Variants in PLEKHG4B observed in about 807,000 individuals in gnomAD.
PLEKHG4B encodes the protein pleckstrin homology and RhoGEF domain containing G4B.
PLEKHG4B carries 111 observed loss-of-function variants against 121.3 expected under a neutral mutation model. The ratio of observed to expected loss-of-function variants is 0.92; its 90% CI spans 0.78 to 1.07. The LOEUF is 1.07. Among genes scored for constraint, PLEKHG4B ranks in the 50% least tolerant of loss-of-function variants. The pLI, the probability that PLEKHG4B is intolerant of heterozygous loss-of-function variation, is 0.00. For synonymous variants in PLEKHG4B, 738 were observed against 725.0 expected (o/e 1.02, Z -0.29); for missense variants, 1,831 against 1,757.8 (o/e 1.04, Z -0.74).
At chr5:103,598 T>A (rs1022520201) in intron 1 of PLEKHG4B, among the ~76,000 whole-genome samples, 1 of 152,228 alleles carries the variant, frequency 6.6e-6, no homozygotes, top group Non-Finnish European at 1.5e-5. Flanking sequence ...AAAATTGATG[T>A]GTGATAGTTG....
rs1733619711 is a variant in PLEKHG4B, at chr5:186,255, C to G, written c.*3932C>G. ...GCACCTCTCTCTCTGGCCTTCTGTC[C>G]ACACTGGGATTTGGCTCTGATTTCC... On this transcript the variant is annotated 3_prime_UTR_variant, in exon 20 of 20. Coordinates refer to ENST00000637938, the MANE Select transcript of PLEKHG4B (RefSeq NM_052909.5). 1 of 152,238 alleles carries G rather than the reference C, an allele frequency of 6.6e-6. No homozygotes were observed. The allele number at this position is 152,238 out of a possible 1,614,324, so 9.4% of individuals were successfully genotyped here. A position where few individuals can be genotyped will look rare whatever the true frequency, so the allele number is the denominator to read the frequency against.
intron 1 of PLEKHG4B, among the ~76,000 whole-genome samples, chr5:109,970 C>T (rs896570167): frequency 3.3e-5 from 5 of 151,804 alleles, no homozygotes; most frequent in Non-Finnish European, 7.4e-5. Context: ...CACGTGCACA[C>T]ACCGGTTGCT....
At position 184,977 on chromosome 5, in the gene PLEKHG4B, C is replaced by T. The variant is rs6554946; in HGVS notation, c.*2654C>T. On this transcript the variant is annotated 3_prime_UTR_variant, in exon 20 of 20. Coordinates refer to ENST00000637938, the MANE Select transcript of PLEKHG4B (RefSeq NM_052909.5). ...CCACAGCAGCGTGATGGCTGGGAGA[C>T]GCTGGATGTGATACGTGAAGTGAGG... 78,555 of 152,154 alleles carry T rather than the reference C, an allele frequency of 0.52. 23,257 individuals carry two copies. The highest frequency in any genetic ancestry group is 0.67 in the Non-Finnish European group (45,813 of 67,990). The allele number at this position is 152,154 out of a possible 1,614,324, so 9.4% of individuals were successfully genotyped here.
At chr5:146,265 C>A (rs1473534361) in intron 6 of PLEKHG4B, among the ~76,000 whole-genome samples, 1 of 112,630 alleles carries the variant, frequency 8.9e-6, no homozygotes, top group African/African-American at 3.6e-5. Flanking sequence ...TTCTCCCACC[C>A]TGCCCCCCTC....
At chr5:98,218 G>A (rs933648349) in intron 1 of PLEKHG4B, among the ~76,000 whole-genome samples, 4 of 151,942 alleles carry the variant, frequency 2.6e-5, no homozygotes, top group Admixed American at 2.6e-4. Flanking sequence ...TCCATTTTTA[G>A]TTAACTTTTG....
intron 2 of PLEKHG4B, among the ~76,000 whole-genome samples, chr5:134,295 T>C (rs896071700): frequency 2.0e-5 from 3 of 151,342 alleles, no homozygotes; most frequent in African/African-American, 7.3e-5. Context: ...GGCATAAGAA[T>C]AATACAATAG....
intron 18 of PLEKHG4B, 140 bp from the exon 19 acceptor site, chr5:181,374 C>T (rs910907999): frequency 1.9e-5 from 16 of 847,958 alleles, no homozygotes; most frequent in Non-Finnish European, 2.8e-5. Flanking sequence ...CCTGGCCCCC[C>T]ATGCCCCTCG....
rs1553992898 is a variant in PLEKHG4B, at chr5:184,003, A to AGAT, written c.*1681_*1683dup. On this transcript the variant is annotated 3_prime_UTR_variant, in exon 20 of 20. Coordinates refer to ENST00000637938, the MANE Select transcript of PLEKHG4B (RefSeq NM_052909.5). ...TAGATAGATAGATCGATAGATAGAT[A>AGAT]GATAGATAGATAGATAGATAGATAG... is the stretch of plus-strand genomic sequence containing the variant. 2 of 144,282 alleles carry AGAT rather than the reference A, an allele frequency of 1.4e-5. No individual in the cohort carries two copies. The highest frequency in any genetic ancestry group is 1.3e-4 in the Admixed American group (2 of 14,824). The allele number at this position is 144,282 out of a possible 1,614,324, so 8.9% of individuals were successfully genotyped here.
chr5:156,109 G>C lies in PLEKHG4B; in HGVS notation c.2247G>C (p.Met749Ile), dbSNP rs756916917. The change falls in exon 10 of 20, where the codon ATG becomes ATC. Residue 749 changes from methionine to isoleucine, a missense_variant. By Grantham distance (10) the Met-to-Ile change is conservative. Transcript: ENST00000637938. This position sits in a 1 kb window ranked among gnomAD's most constrained non-coding sequence, Gnocchi z 4.4. ...TAATTGACCAGCATGAGACGATGATGAAGCTTGTCCTGGAAGACCCACTGC... is the reference window on the plus strand; with the variant it reads ...TAATTGACCAGCATGAGACGATGATCAAGCTTGTCCTGGAAGACCCACTGC... ...AELIDQHETM[M>I]KLVLEDPLLV... 1.2e-6 allele frequency: 2 copies of C among 1,600,210 alleles called. No individual in the cohort carries two copies. Among genetic ancestry groups the C allele is most frequent in the South Asian group, 2.2e-5 (2 of 89,152 alleles).
chr5:159,676 T>TG lies in PLEKHG4B; in HGVS notation c.2488-2105dup, dbSNP rs1358938788. On this transcript the variant is annotated intron_variant, in intron 11 of 19. Transcript: ENST00000637938. The surrounding 1 kb of genome is among the most constrained non-coding windows in gnomAD (Gnocchi z 5.5). ...TGGCGACCCCTGGCTAGGAAGCCTG[T>TG]GGCCCACGCATCTTTAGCATTTTCT... 6.6e-6 allele frequency among the ~76,000 whole-genome samples: 1 copy of TG among 152,198 alleles called. No homozygotes were observed. The highest frequency in any genetic ancestry group is 1.5e-5 in the Non-Finnish European group (1 of 68,028).
rs1735283395 is a variant in PLEKHG4B at position 143,153 on chromosome 5, A to G, written c.1584A>G (p.Gln528=). 1 of 1,612,506 alleles carries G rather than the reference A, an allele frequency of 6.2e-7. No homozygotes were observed. Among genetic ancestry groups the G allele is most frequent in the Middle Eastern group, 1.6e-4 (1 of 6,062 alleles). ...CTGCCCGGCAGCCACACCCCGAGCAAGAAGGGTGGCCACCCGGCACAGGAG... is the reference window on the plus strand; with the variant it reads ...CTGCCCGGCAGCCACACCCCGAGCAGGAAGGGTGGCCACCCGGCACAGGAG... ...DVPARQPHPE[Q]EGWPPGTGDF... is the part of the protein sequence containing the mutation. The change falls in exon 4 of 20, where the codon CAA becomes CAG. Residue 528 remains glutamine (Q), a synonymous_variant. Coordinates refer to ENST00000637938, the MANE Select transcript of PLEKHG4B (RefSeq NM_052909.5).
At chr5:154,197 G>A (rs1735691003) in intron 7 of PLEKHG4B, among the ~76,000 whole-genome samples, 1 of 150,716 alleles carries the variant, frequency 6.6e-6, no homozygotes, top group African/African-American at 2.4e-5. Flanking sequence ...GTAGAGACGG[G>A]GTTTTACCGT....
rs1020226915 is a variant in PLEKHG4B at position 167,497 on chromosome 5, G to A, written c.3477-1843G>A. 2.6e-5 allele frequency among the ~76,000 whole-genome samples: 4 copies of A among 152,058 alleles called. No homozygotes were observed. The East Asian group carries it at 7.7e-4, about 29-fold the overall frequency. The stretch of plus-strand genomic sequence containing the variant: ...CATCAGGATCGAGTTATTTAAGGAG[G>A]TTGGGGGTAAGATGCCATCAAGTAG... On this transcript the variant is annotated intron_variant, in intron 13 of 19. Coordinates refer to ENST00000637938, the MANE Select transcript of PLEKHG4B (RefSeq NM_052909.5).
At position 156,343 on chromosome 5, in the gene PLEKHG4B, A is replaced by T; in HGVS notation, c.2348+133A>T. 3 of 1,031,838 alleles carry T rather than the reference A, an allele frequency of 2.9e-6. No homozygotes were observed. The highest frequency in any genetic ancestry group is 3.8e-6 in the Non-Finnish European group (3 of 782,522). The allele number at this position is 1,031,838 out of a possible 1,614,324, so 63.9% of individuals were successfully genotyped here. A position where few individuals can be genotyped will look rare whatever the true frequency, so the allele number is the denominator to read the frequency against. ...GCTTGGTCCAGACCTCCATTCTGAC[A>T]GCCACGCTTTGCCTGGGTCAGAGCT... On this transcript the variant is annotated intron_variant, in intron 10 of 19. Transcript: ENST00000637938. This position sits in a 1 kb window ranked among gnomAD's most constrained non-coding sequence, Gnocchi z 4.4.
rs1157171636 is a variant in PLEKHG4B at position 171,354 on chromosome 5, G to A, written c.3960G>A (p.Leu1320=). The A allele has an allele frequency of 1.2e-6, 2 of 1,612,266 alleles. No individual in the cohort carries two copies. The highest frequency in any genetic ancestry group is 2.2e-5 in the South Asian group (2 of 91,050). ...GTGGCCTGGCCCAGGGGCAGGAGCTGGGCGAGCTCCGAGCCGCCGAGGTCG... is the reference window on the plus strand; with the variant it reads ...GTGGCCTGGCCCAGGGGCAGGAGCTAGGCGAGCTCCGAGCCGCCGAGGTCG... ...ASCGLAQGQE[L]GELRAAEVVV... is the part of the protein sequence containing the mutation. Residue 1320 remains leucine, a synonymous_variant, in exon 16 of 20, where the codon CTG becomes CTA. Coordinates refer to ENST00000637938, the MANE Select transcript of PLEKHG4B (RefSeq NM_052909.5).
Position 156,692 on chromosome 5 carries a change from G to A in PLEKHG4B, c.2349-81G>A. ...TGGCATGAGGGAATGGAAAGAGCAG[G>A]GTTTTTATATGGGGTTGTCACCAAG... On this transcript the variant is annotated intron_variant, in intron 10 of 19. Transcript: ENST00000637938. This position sits in a 1 kb window ranked among gnomAD's most constrained non-coding sequence, Gnocchi z 4.4. The A allele has an allele frequency of 6.8e-7, 1 of 1,474,546 alleles. No individual in the cohort carries two copies. Among genetic ancestry groups the A allele is most frequent in the South Asian group, 1.4e-5 (1 of 72,598 alleles). 91.3% of individuals were successfully genotyped at this position (1,474,546 alleles called of 1,614,324 possible). A position where few individuals can be genotyped will look rare whatever the true frequency, so the allele number is the denominator to read the frequency against.
intron 2 of PLEKHG4B, among the ~76,000 whole-genome samples, chr5:121,894 G>A (rs1269017550): frequency 6.6e-6 from 1 of 151,694 alleles, no homozygotes; most frequent in Non-Finnish European, 1.5e-5. Flanking sequence ...CTAGATAGGT[G>A]AAGGGTACAA....
rs541418838 is a variant in PLEKHG4B, at chr5:109,494, G to C, written c.46-3757G>C. On this transcript the variant is annotated intron_variant, in intron 1 of 19. Transcript: ENST00000637938. ...TACCCACCCCCAGGTGCCACACCCT[G>C]GGCTACAGCATTGTGGGTATCACCA... 7.9e-5 allele frequency among the ~76,000 whole-genome samples: 12 copies of C among 151,734 alleles called. No individual in the cohort carries two copies. The East Asian group carries it at 2.1e-3, about 27-fold the overall frequency.
chr5:161,708 C>G, intron 11 of PLEKHG4B, 75 bp from the exon 12 acceptor site: 1 of 1,603,242 alleles, frequency 6.2e-7, no homozygotes, highest in Non-Finnish European at 8.5e-7. Flanking sequence ...TGGCTACACG[C>G]AGACCCAGCC....
Sources: allele counts gnomAD v4.1 joint callset (sites outside exome capture counted in the v4.1 genomes callset), GRCh38; gene constraint gnomAD v4.1.1; non-coding constraint Gnocchi (gnomAD v3.1); transcripts MANE v1.5; gene names NCBI Gene and HGNC (gene_info 2026-07-23, HGNC 2026-07-21).